The following MEGF6 variants were observed in gnomAD, a reference collection of about 807,000 sequenced individuals.
The protein encoded by MEGF6 is multiple EGF like domains 6.
MEGF6 carries 184 observed loss-of-function variants against 207.1 expected under a neutral mutation model. The observed-to-expected ratio is 0.89, with a 90% CI of 0.79 to 1.00. The LOEUF (loss-of-function observed/expected upper bound fraction) is 1.00, where lower values mean the gene tolerates loss of function less well. Ranked by LOEUF, MEGF6 falls within the 50% of genes least tolerant of loss-of-function variation. The probability of loss-of-function intolerance (pLI) is 0.00; values close to 1 mark genes in which losing one functional copy is unlikely to be tolerated. For synonymous variants in MEGF6, 1,038 were observed against 910.0 expected (o/e 1.14, Z -2.53); for missense variants, 2,282 against 2,202.9 (o/e 1.04, Z -0.72).
In MEGF6 at chr1:3,524,373, C is replaced by A. The variant is rs569009726; in HGVS notation, c.482-127G>T. ...GTGCCTCGAGGGCACCACCCATGAG[C>A]CCCTCACCCACATCTGCCGGAGACG... On this transcript the variant is annotated intron_variant, in intron 4 of 36. Transcript: ENST00000356575. 136 of 1,225,598 alleles carry A rather than the reference C, an allele frequency of 1.1e-4. 1 individual carries two copies. In the South Asian group the frequency reaches 1.9e-3, roughly 17 times the overall value. 75.9% of individuals were successfully genotyped at this position (1,225,598 alleles called of 1,614,324 possible).
At position 3,498,758 on chromosome 1, in the gene MEGF6, C is replaced by G; in HGVS notation, c.3163G>C (p.Asp1055His). The G allele has an allele frequency of 6.4e-7, 1 of 1,561,016 alleles. No homozygotes were observed. The highest frequency in any genetic ancestry group is 1.9e-5 in the Admixed American group (1 of 52,800). The change falls in exon 25 of 37, where the codon GAC (aspartate) becomes CAC (histidine). Residue 1055 changes from aspartate (D) to histidine (H), a missense_variant. By Grantham distance (81) the Asp-to-His change is moderately conservative. Coordinates refer to ENST00000356575, the MANE Select transcript of MEGF6 (RefSeq NM_001409.4). The part of the protein sequence containing the change: ...SCLCQNGGTC[D>H]PVSGHCACPE... ...CACGCACAGTGGCCTGAGACAGGGT[C>G]ACAGGTCCCTCCGTTCTGGCAGAGG... is the stretch of plus-strand genomic sequence containing the variant.
chr1:3,604,815 T>A (rs1245652235), intron 1 of MEGF6, among the ~76,000 whole-genome samples: 1 of 151,726 alleles, frequency 6.6e-6, no homozygotes, highest in African/African-American at 2.4e-5. Context: ...GATCCCAGAG[T>A]GAGAATAGGG....
chr1:3,623,060 C>T, the MEGF6 span: 2 of 152,362 alleles, frequency 1.3e-5, no homozygotes, highest in East Asian at 3.8e-4. Flanking sequence ...TCATCCCATT[C>T]CCTGGACATC....
chr1:3,587,564 C>T (rs1299530646), intron 3 of MEGF6, among the ~76,000 whole-genome samples: 4 of 152,248 alleles, frequency 2.6e-5, no homozygotes, highest in Non-Finnish European at 5.9e-5. Context: ...GTGCCTGCGG[C>T]TCTGACTACA....
intron 11 of MEGF6, 85 bp downstream of exon 11, chr1:3,509,785 T>G (rs926660253): frequency 3.5e-6 from 5 of 1,439,636 alleles, no homozygotes; most frequent in Admixed American, 2.7e-5. Context: ...GGGGGTGGGG[T>G]GGGCCAGGCC....
At chr1:3,561,459 T>C (rs1170128393) in intron 4 of MEGF6, among the ~76,000 whole-genome samples, 1 of 152,140 alleles carries the variant, frequency 6.6e-6, no homozygotes, top group East Asian at 1.9e-4. Context: ...CATCACCTTC[T>C]GCCATCAGCC....
chr1:3,615,444 C>G (rs185826863), upstream of MEGF6, among the ~76,000 whole-genome samples: 1 of 152,216 alleles, frequency 6.6e-6, no homozygotes, highest in Non-Finnish European at 1.5e-5. Context: ...TGTTGGGTTA[C>G]AGCTGCAGCT....
At chr1:3,552,810 C>G (rs1048093043) in intron 4 of MEGF6, among the ~76,000 whole-genome samples, 1 of 152,180 alleles carries the variant, frequency 6.6e-6, no homozygotes, top group South Asian at 2.1e-4. Flanking sequence ...CCAGACCCCC[C>G]ACTTTTCTCT....
chr1:3,607,628 C>T (rs1644270087), intron 1 of MEGF6, among the ~76,000 whole-genome samples: 1 of 152,210 alleles, frequency 6.6e-6, no homozygotes, highest in Non-Finnish European at 1.5e-5. Flanking sequence ...AGAAACCTCC[C>T]ACTGCTGCAC....
At chr1:3,543,830 G>A (rs1214722318) in intron 4 of MEGF6, among the ~76,000 whole-genome samples, 1 of 152,214 alleles carries the variant, frequency 6.6e-6, no homozygotes, top group Non-Finnish European at 1.5e-5. Flanking sequence ...TGTGTTTGCC[G>A]TCACCATGCT....
chr1:3,550,254 C>G (rs1363182840), intron 4 of MEGF6, among the ~76,000 whole-genome samples: 1 of 152,180 alleles, frequency 6.6e-6, no homozygotes, highest in Non-Finnish European at 1.5e-5. Flanking sequence ...TGTCCACAGC[C>G]ATCAGAAAGG....
intron 34 of MEGF6, 51 bp downstream of exon 34, chr1:3,493,720 A>C: frequency 6.3e-7 from 1 of 1,590,466 alleles, no homozygotes; most frequent in Admixed American, 1.7e-5. Context: ...AATATTGGTC[A>C]CTGATGGAGA....
chr1:3,502,007 T>C (rs1413552859), intron 17 of MEGF6, 86 bp from the exon 18 acceptor site: 1 of 1,173,298 alleles, frequency 8.5e-7, no homozygotes, highest in Non-Finnish European at 1.1e-6. Context: ...CTGGTGAGTG[T>C]GCCCCCTGTG....
chr1:3,502,690 C>A (rs551157923), intron 17 of MEGF6, among the ~76,000 whole-genome samples: 1 of 152,048 alleles, frequency 6.6e-6, no homozygotes, highest in African/African-American at 2.4e-5. Flanking sequence ...AGGATTGGGA[C>A]CCCTGGAGAG....
intron 3 of MEGF6, among the ~76,000 whole-genome samples, chr1:3,591,303 G>T (rs753224144): frequency 5.9e-5 from 9 of 152,176 alleles, no homozygotes; most frequent in Non-Finnish European, 1.2e-4. Context: ...CCGAGCAGGG[G>T]GTAAGGCCCT....
Position 3,492,782 on chromosome 1 carries a change from G to A in MEGF6, c.4388-15C>T. The A allele has an allele frequency of 5.0e-6, 8 of 1,603,354 alleles. No individual in the cohort carries two copies. Among genetic ancestry groups the A allele is most frequent in the Non-Finnish European group, 6.0e-6 (7 of 1,172,876 alleles). On this transcript the variant is annotated splice_polypyrimidine_tract_variant and intron_variant, in intron 34 of 36. Coordinates refer to ENST00000356575, the MANE Select transcript of MEGF6 (RefSeq NM_001409.4). Reference sequence around the variant, plus strand: ...CCTTCTGCAATCTGCAAGGCGGAGGGGGCGGGAGACAAACCTGAGCATCAT... The same window carrying A: ...CCTTCTGCAATCTGCAAGGCGGAGGAGGCGGGAGACAAACCTGAGCATCAT...
intron 7 of MEGF6, among the ~76,000 whole-genome samples, chr1:3,512,477 C>T (rs570939275): frequency 1.8e-4 from 27 of 152,344 alleles, no homozygotes; most frequent in African/African-American, 6.3e-4. Context: ...GTGTCCCCAC[C>T]CAAATCTCAC....
chr1:3,516,444 T>A (rs1442902113), intron 5 of MEGF6, among the ~76,000 whole-genome samples: 2 of 152,140 alleles, frequency 1.3e-5, no homozygotes, highest in Non-Finnish European at 2.9e-5. Context: ...GGGGAGGCCG[T>A]CTGCCCAGGC....
At chr1:3,570,790 C>T (rs186096142) in intron 4 of MEGF6, among the ~76,000 whole-genome samples, 4 of 152,340 alleles carry the variant, frequency 2.6e-5, no homozygotes, top group Non-Finnish European at 5.9e-5. Flanking sequence ...GCCCCCTCCA[C>T]CGCCCAGCCT....
Sources: allele counts gnomAD v4.1 joint callset (sites outside exome capture counted in the v4.1 genomes callset), GRCh38; gene constraint gnomAD v4.1.1; transcripts MANE v1.5; gene names NCBI Gene and HGNC (gene_info 2026-07-23, HGNC 2026-07-21).